Variants in GALC observed in about 807,000 individuals in gnomAD.
The protein encoded by GALC is galactosylceramidase.
In GALC, 77 loss-of-function variants were observed where a neutral mutation model predicts 91.8. The ratio of observed to expected loss-of-function variants is 0.84; its 90% CI spans 0.70 to 1.01. The LOEUF is 1.01. Among genes scored for constraint, GALC ranks in the 50% least tolerant of loss-of-function variants. The pLI is 0.00. For synonymous variants in GALC, 357 were observed against 306.7 expected (o/e 1.16, Z -1.71); for missense variants, 882 against 855.9 (o/e 1.03, Z -0.38).
intron 10 of GALC, among the ~76,000 whole-genome samples, chr14:87,962,658 G>A (rs1408617128): frequency 6.7e-6 from 1 of 150,288 alleles, no homozygotes; most frequent in Non-Finnish European, 1.5e-5. Context: ...CTCTGTTTTG[G>A]ATCTTGCTTC....
chr14:87,975,544 T>A (rs987754928), intron 7 of GALC, among the ~76,000 whole-genome samples: 2 of 152,080 alleles, frequency 1.3e-5, no homozygotes, highest in Admixed American at 1.3e-4. Context: ...CAAAGTAATG[T>A]AGGCAGGAAA....
chr14:87,949,886 T>G lies in GALC; in HGVS notation c.1297A>C (p.Thr433Pro), dbSNP rs374105066. 1 of 1,599,512 alleles carries G rather than the reference T, an allele frequency of 6.3e-7. No individual in the cohort carries two copies. The highest frequency in any genetic ancestry group is 8.6e-7 in the Non-Finnish European group (1 of 1,167,504). Residue 433 changes from threonine to proline, a missense_variant, in exon 12 of 17, where the codon ACA becomes CCA. Transcript: ENST00000261304. ...LQVWYTKLGKTSERFLFKQLD... is the reference protein window; with the variant it reads ...LQVWYTKLGKPSERFLFKQLD... ...TGCTTAAAAAGAAATCTTTCGGATG[T>G]TTTTCCAAGTTTGGTATACCATACC... is the stretch of plus-strand genomic sequence containing the variant.
intron 10 of GALC, 85 bp from the exon 11 acceptor site, chr14:87,950,833 T>G (rs1885276348): frequency 2.6e-6 from 2 of 774,622 alleles, no homozygotes; most frequent in Non-Finnish European, 4.5e-6. Context: ...ATGCCCAAGA[T>G]TAACAGAAAT....
chr14:87,973,208 C>T (rs904394953), intron 7 of GALC, among the ~76,000 whole-genome samples: 5 of 152,144 alleles, frequency 3.3e-5, no homozygotes, highest in Admixed American at 6.5e-5. Flanking sequence ...CATCAACAAA[C>T]ATCTGAACAC....
chr14:87,959,825 T>C (rs1296047680), intron 10 of GALC: 1 of 152,124 alleles, frequency 6.6e-6, no homozygotes, highest in Admixed American at 6.6e-5. Context: ...AAGAGGTATC[T>C]GCACTCCCAT....
At position 87,934,184 on chromosome 14, in the gene GALC, G is replaced by C; in HGVS notation, c.*548C>G. 2 of 1,392,530 alleles carry C rather than the reference G, an allele frequency of 1.4e-6. No homozygotes were observed. Among genetic ancestry groups the C allele is most frequent in the Non-Finnish European group, 1.9e-6 (2 of 1,076,724 alleles). The allele number at this position is 1,392,530 out of a possible 1,614,324, so 86.3% of individuals were successfully genotyped here. A position where few individuals can be genotyped will look rare whatever the true frequency, so the allele number is the denominator to read the frequency against. ...ACTCATCATATCCTGCATTTCAAAA[G>C]TATCATCTTAAAAAGGAAAATAAAA... On this transcript the variant is annotated 3_prime_UTR_variant, in exon 17 of 17. Coordinates refer to ENST00000261304, the MANE Select transcript of GALC (RefSeq NM_000153.4).
intron 16 of GALC, among the ~76,000 whole-genome samples, chr14:87,935,844 A>G (rs968524440): frequency 7.2e-5 from 11 of 152,152 alleles, no homozygotes; most frequent in African/African-American, 2.4e-4. Flanking sequence ...CTGAGGCTTA[A>G]TAGATTAAAG....
At chr14:87,948,785 A>G (rs531696480) in intron 12 of GALC, among the ~76,000 whole-genome samples, 29 of 152,198 alleles carry the variant, frequency 1.9e-4, no homozygotes, top group Admixed American at 4.6e-4. Flanking sequence ...TTACACAAAA[A>G]GTATGAACTT....
At chr14:87,993,209 C>T (rs1367486197), upstream of GALC, 32 of 1,551,914 alleles carry the variant, frequency 2.1e-5, no homozygotes, top group Non-Finnish European at 2.8e-5. Context: ...CGGGTCCCGT[C>T]GCCGCCACGA....
chr14:87,989,930 C>T (rs898094373), intron 1 of GALC, among the ~76,000 whole-genome samples: 8 of 152,216 alleles, frequency 5.3e-5, no homozygotes, highest in African/African-American at 1.9e-4. Flanking sequence ...CACTCTCACA[C>T]CTTCTACCTA....
intron 6 of GALC, among the ~76,000 whole-genome samples, chr14:87,980,929 A>G (rs1886716624): frequency 6.6e-6 from 1 of 152,244 alleles, no homozygotes; most frequent in Admixed American, 6.5e-5. Flanking sequence ...AAAACATCCA[A>G]TTCAAAGAAA....
chr14:87,935,967 C>A (rs1258728738), intron 16 of GALC, among the ~76,000 whole-genome samples: 1 of 151,998 alleles, frequency 6.6e-6, no homozygotes, highest in Non-Finnish European at 1.5e-5. Flanking sequence ...TACTGAACAT[C>A]TTCTGCTGCC....
intron 8 of GALC, 126 bp from the exon 9 acceptor site, chr14:87,965,755 A>G: frequency 2.2e-6 from 2 of 924,410 alleles, no homozygotes; most frequent in South Asian, 3.1e-5. Context: ...TAAAAGGATC[A>G]CCCAAAATAA....
chr14:87,988,050 G>A, intron 3 of GALC, 94 bp downstream of exon 3: 1 of 934,460 alleles, frequency 1.1e-6, no homozygotes, highest in Non-Finnish European at 1.8e-6. Context: ...AAAAGTGTTG[G>A]TATTGTTTAC....
Position 87,934,713 on chromosome 14 carries a change from T to C in GALC, c.*19A>G, listed in dbSNP as rs116281628. 8.4e-5 allele frequency: 136 copies of C among 1,612,924 alleles called. 1 individual carries two copies. In the African/African-American group the frequency reaches 1.7e-3, roughly 20 times the overall value. On this transcript the variant is annotated 3_prime_UTR_variant, in exon 17 of 17. Coordinates refer to ENST00000261304, the MANE Select transcript of GALC (RefSeq NM_000153.4). Reference sequence around the variant, plus strand: ...GAAGGGAAGAAAATCCAGAGTATTCTATGATGCCCTGTTAAGTATTAGCGT... The same window carrying C: ...GAAGGGAAGAAAATCCAGAGTATTCCATGATGCCCTGTTAAGTATTAGCGT...
Position 87,984,476 on chromosome 14 carries a change from T to G in GALC, c.500A>C (p.Asn167Thr). Residue 167 changes from asparagine to threonine, a missense_variant, in exon 5 of 17, where the codon AAT (asparagine) becomes ACT (threonine). Asn to Thr is a moderately conservative substitution (Grantham distance 65). Transcript: ENST00000261304. ...LGKGFDWPYV[N>T]LQLTAYYVVT... is the part of the protein sequence containing the mutation. ...GACATAATAGGCAGTCAGCTGAAGA[T>G]TGACATAAGGCCAGTCGAAACCTTT... 1 of 1,614,150 alleles carries G rather than the reference T, an allele frequency of 6.2e-7. No homozygotes were observed.
At chr14:87,975,609 A>G (rs560089721) in intron 7 of GALC, among the ~76,000 whole-genome samples, 4 of 152,214 alleles carry the variant, frequency 2.6e-5, no homozygotes, top group South Asian at 4.1e-4. Context: ...TTCACAGTTC[A>G]AGAGGTTGAG....
At chr14:87,941,709 A>G in intron 14 of GALC, 151 bp from the exon 15 acceptor site, 1 of 657,828 alleles carries the variant, frequency 1.5e-6, no homozygotes, top group East Asian at 2.7e-5. Context: ...GATGGGCTTC[A>G]AGAATCTTTA....
At chr14:87,987,147 TTAGTAGA>T in intron 3 of GALC, 1 of 424,270 alleles carries the variant, frequency 2.4e-6, no homozygotes, top group Non-Finnish European at 4.6e-6. Context: ...ACATCTGCAG[TTAGTAGA>T]GGTTACATTG....
Sources: gnomAD v4.1 joint callset for allele counts (sites outside exome capture counted in the v4.1 genomes callset) on GRCh38, gnomAD v4.1.1 for gene constraint, MANE v1.5 for transcripts, NCBI Gene and HGNC (gene_info 2026-07-23, HGNC 2026-07-21) for gene names.